The following PRKCE variants were observed in gnomAD, a reference collection of about 807,000 sequenced individuals.
PRKCE encodes protein kinase C epsilon type.
In PRKCE, 16 loss-of-function variants were observed where a neutral mutation model predicts 85.4. The ratio of observed to expected loss-of-function variants is 0.19; its 90% CI spans 0.13 to 0.28. The LOEUF (loss-of-function observed/expected upper bound fraction) is 0.28. Among genes scored for constraint, PRKCE ranks in the 10% least tolerant of loss-of-function variants. PRKCE has a pLI of 1.00. For synonymous variants in PRKCE, 388 were observed against 371.5 expected (o/e 1.04, Z -0.51); for missense variants, 573 against 975.2 (o/e 0.59, Z 5.49).
At position 45,842,984 on chromosome 2, in the gene PRKCE, A is replaced by G. The variant is rs762522291; in HGVS notation, c.349-16A>G. 5.0e-6 allele frequency: 8 copies of G among 1,613,414 alleles called. No individual in the cohort carries two copies. Among genetic ancestry groups the G allele is most frequent in the Middle Eastern group, 3.3e-4 (2 of 6,062 alleles). On this transcript the variant is annotated splice_polypyrimidine_tract_variant and intron_variant, in intron 1 of 14. Coordinates refer to ENST00000306156, the MANE Select transcript of PRKCE (RefSeq NM_005400.3). The stretch of plus-strand genomic sequence containing the variant: ...ACAATGCACTAACAGAGTCACTGTC[A>G]TTTTCTTAATTGCAGATTGATCTGG...
intron 11 of PRKCE, among the ~76,000 whole-genome samples, chr2:46,101,410 G>A (rs1045126488): frequency 2.0e-5 from 3 of 152,186 alleles, no homozygotes; most frequent in African/African-American, 7.2e-5. Context: ...GTAAGAGTTG[G>A]CCAGAGAAAG....
intron 4 of PRKCE, 37 bp downstream of exon 4, chr2:45,979,047 G>A (rs371445470): frequency 2.4e-5 from 38 of 1,592,998 alleles, no homozygotes; most frequent in East Asian, 8.9e-5. Context: ...TCAGAGGCCC[G>A]TGGTTAGATC....
intron 1 of PRKCE, among the ~76,000 whole-genome samples, chr2:45,824,857 C>T (rs1261656099): frequency 6.6e-6 from 1 of 152,150 alleles, no homozygotes; most frequent in Non-Finnish European, 1.5e-5. Flanking sequence ...CCTGTCTCTT[C>T]TTTCTCTTCT....
At chr2:45,866,781 G>A (rs575036221) in intron 2 of PRKCE, among the ~76,000 whole-genome samples, 6 of 152,304 alleles carry the variant, frequency 3.9e-5, no homozygotes, top group East Asian at 3.9e-4. Context: ...GTCAACATGC[G>A]TCCAGGGGCT....
At chr2:45,978,766 G>T in intron 3 of PRKCE, 2 of 537,724 alleles carry the variant, frequency 3.7e-6, no homozygotes, top group Admixed American at 3.2e-5. Context: ...ACCAAACCTT[G>T]CACCTCCCCA....
At chr2:46,059,097 A>C (rs777648291) in intron 10 of PRKCE, among the ~76,000 whole-genome samples, 9 of 152,220 alleles carry the variant, frequency 5.9e-5, no homozygotes, top group Admixed American at 1.3e-4. Context: ...AAAAAAATTT[A>C]AAAATTAGCT....
At chr2:45,837,596 G>A (rs547614299) in intron 1 of PRKCE, among the ~76,000 whole-genome samples, 13 of 152,270 alleles carry the variant, frequency 8.5e-5, no homozygotes, top group Middle Eastern at 3.4e-3. Flanking sequence ...GGCTCCAGGG[G>A]TCTCATGCAC....
intron 1 of PRKCE, among the ~76,000 whole-genome samples, chr2:45,698,975 A>T (rs2104195718): frequency 6.6e-6 from 1 of 152,308 alleles, no homozygotes; most frequent in South Asian, 2.1e-4. Flanking sequence ...AAGAGATTAC[A>T]TCTTGTCATC....
intron 10 of PRKCE, among the ~76,000 whole-genome samples, chr2:46,081,298 C>T (rs1669053037): frequency 6.6e-6 from 1 of 152,204 alleles, no homozygotes; most frequent in African/African-American, 2.4e-5. Flanking sequence ...ATTTAGATCA[C>T]TCTTTGCTTC....
chr2:46,126,575 A>G (rs1673882567), intron 11 of PRKCE, among the ~76,000 whole-genome samples: 1 of 152,254 alleles, frequency 6.6e-6, no homozygotes, highest in African/African-American at 2.4e-5. Context: ...CTTAATAGGC[A>G]TAGCTTTTAT....
chr2:45,987,165 A>G (rs1028429433), intron 6 of PRKCE, among the ~76,000 whole-genome samples: 16 of 152,282 alleles, frequency 1.1e-4, no homozygotes, highest in Middle Eastern at 3.4e-3. Context: ...TGGGTCCCCA[A>G]TGACCCTGGA....
chr2:45,744,000 T>G (rs1433072965), intron 1 of PRKCE, among the ~76,000 whole-genome samples: 2 of 151,232 alleles, frequency 1.3e-5, no homozygotes, highest in Admixed American at 6.6e-5. Context: ...GTGTGTTTTT[T>G]TTTTTTTTTT....
chr2:45,654,572 T>C (rs1404195973), intron 1 of PRKCE, among the ~76,000 whole-genome samples: 2 of 152,260 alleles, frequency 1.3e-5, no homozygotes, highest in Non-Finnish European at 2.9e-5. Context: ...CCCAGCCTAT[T>C]CTCCCTGCAG....
intron 1 of PRKCE, among the ~76,000 whole-genome samples, chr2:45,818,999 G>A (rs1241456206): frequency 6.6e-6 from 1 of 152,152 alleles, no homozygotes; most frequent in Non-Finnish European, 1.5e-5. Context: ...GGAGGAAAAA[G>A]GATTTGGGGC....
intron 3 of PRKCE, chr2:45,977,966 C>T (rs1330422724): frequency 1.3e-5 from 2 of 152,250 alleles, no homozygotes; most frequent in African/African-American, 4.8e-5. Flanking sequence ...GACATCTGCA[C>T]TGGGCTCTGA....
intron 1 of PRKCE, among the ~76,000 whole-genome samples, chr2:45,770,287 G>A (rs4953252): frequency 0.57 from 86,700 of 152,052 alleles, 26,841 homozygotes; most frequent in East Asian, 0.8. Context: ...GATGCATGGG[G>A]TAGGTAAAAA....
At chr2:46,028,532 G>A (rs764638270) in intron 10 of PRKCE, among the ~76,000 whole-genome samples, 5 of 152,178 alleles carry the variant, frequency 3.3e-5, no homozygotes, top group Non-Finnish European at 7.4e-5. Context: ...AGGGGACATA[G>A]CACTCACTGT....
intron 10 of PRKCE, among the ~76,000 whole-genome samples, chr2:46,072,769 G>A (rs1226214310): frequency 1.3e-5 from 2 of 152,214 alleles, no homozygotes; most frequent in Non-Finnish European, 2.9e-5. Flanking sequence ...CTTGTAGGAA[G>A]CCATGGTTTT....
At chr2:46,015,733 T>G in intron 10 of PRKCE, among the ~76,000 whole-genome samples, 1 of 143,550 alleles carries the variant, frequency 7.0e-6, no homozygotes, top group Non-Finnish European at 1.5e-5. Context: ...AATTAGGCCA[T>G]TGGTAGATTT....
Sources: gnomAD v4.1 joint callset for allele counts (sites outside exome capture counted in the v4.1 genomes callset) on GRCh38, gnomAD v4.1.1 for gene constraint, MANE v1.5 for transcripts, NCBI Gene and HGNC (gene_info 2026-07-23, HGNC 2026-07-21) for gene names.